SSBP4: variants seen among roughly 807,000 people sequenced by gnomAD.
SSBP4 encodes single-stranded DNA-binding protein 4.
In SSBP4, 33 loss-of-function variants were observed where a neutral mutation model predicts 64.6. That is an observed-to-expected ratio of 0.51 (90% CI 0.39 to 0.68). The LOEUF is 0.68. Among genes scored for constraint, SSBP4 ranks in the 30% least tolerant of loss-of-function variants. The probability of loss-of-function intolerance (pLI) is 0.00; values close to 1 mark genes in which losing one functional copy is unlikely to be tolerated. For missense variants in SSBP4, 583 were observed against 566.8 expected (o/e 1.03, Z -0.29); for synonymous variants, 243 against 224.0 (o/e 1.08, Z -0.76).
Position 18,432,734 on chromosome 19 carries a change from C to G in SSBP4, c.785C>G (p.Thr262Ser), listed in dbSNP as rs779866676. ...TCCTCCTCATCCCCCGGCAGCTACA[C>G]CGTAAGTCTGAGCAAAGCTGGGTCA... ...PYSSSSPGSY[T>S]GPPGGGGPPG... Residue 262 changes from threonine to serine, a missense_variant and splice_region_variant, in exon 12 of 18, where the codon ACC becomes AGC. Transcript: ENST00000270061. 1 of 1,601,242 alleles carries G rather than the reference C, an allele frequency of 6.2e-7. No individual in the cohort carries two copies. The highest frequency in any genetic ancestry group is 8.5e-7 in the Non-Finnish European group (1 of 1,170,996).
At chr19:18,419,179 T>A, upstream of SSBP4, 1 of 985,492 alleles carries the variant, frequency 1.0e-6, no homozygotes, top group Non-Finnish European at 1.2e-6. Context: ...CACGCGCGCG[T>A]GTGCAGCCGC....
rs966443232 is a variant in SSBP4, at chr19:18,427,028, C to G, written c.60-323C>G. 6.6e-6 allele frequency among the ~76,000 whole-genome samples: 1 copy of G among 152,030 alleles called. No individual in the cohort carries two copies. Among genetic ancestry groups the G allele is most frequent in the Admixed American group, 6.5e-5 (1 of 15,268 alleles). On this transcript the variant is annotated intron_variant, in intron 1 of 17. Transcript: ENST00000270061. The surrounding 1 kb of genome is among the most constrained non-coding windows in gnomAD (Gnocchi z 4.4). Reference sequence around the variant, plus strand: ...CAGGGTGCCCAGTGGTCGTCCCCACCCTGCACACACACAGGAATGACACTC... The same window carrying G: ...CAGGGTGCCCAGTGGTCGTCCCCACGCTGCACACACACAGGAATGACACTC...
chr19:18,418,989 C>CT, upstream of SSBP4: 1 of 985,582 alleles, frequency 1.0e-6, no homozygotes, highest in South Asian at 4.7e-5. The surrounding 1 kb of genome is among the most constrained non-coding windows in gnomAD (Gnocchi z 6.7). Flanking sequence ...GGTAGCTCTG[C>CT]GGGGTGAGAC....
chr19:18,433,840 C>T (rs1353887777), intron 17 of SSBP4, 23 bp downstream of exon 17: 34 of 1,369,420 alleles, frequency 2.5e-5, no homozygotes, highest in Non-Finnish European at 2.9e-5. Flanking sequence ...GTCGACTCCC[C>T]CCCCGCGGCG....
At position 18,427,201 on chromosome 19, in the gene SSBP4, CAGGACATAGATGGATAACTATGA is replaced by C. The variant is rs899352688; in HGVS notation, c.60-149_60-127del. ...GTCACGGATGCCTGGGAGGGGCCTG[CAGGACATAGATGGATAACTATGA>C]GCTGTCCCTGCTGAGCAGCTGGTGG... On this transcript the variant is annotated intron_variant, in intron 1 of 17. Transcript: ENST00000270061. This position sits in a 1 kb window ranked among gnomAD's most constrained non-coding sequence, Gnocchi z 4.4. 3.5e-4 allele frequency: 269 copies of C among 763,506 alleles called. 1 individual carries two copies. The highest frequency in any genetic ancestry group is 1.6e-3 in the South Asian group (86 of 55,320). The allele number at this position is 763,506 out of a possible 1,614,324, so 47.3% of individuals were successfully genotyped here. A position where few individuals can be genotyped will look rare whatever the true frequency, so the allele number is the denominator to read the frequency against.
rs551854137 is a variant in SSBP4, at chr19:18,434,428, C to T, written c.*182C>T. 50 of 1,183,344 alleles carry T rather than the reference C, an allele frequency of 4.2e-5. No individual in the cohort carries two copies. The highest frequency in any genetic ancestry group is 4.2e-5 in the Non-Finnish European group (37 of 891,396). 73.3% of individuals were successfully genotyped at this position (1,183,344 alleles called of 1,614,324 possible). ...ATTAAAAACGCAAGGACCTCAGAGACGTTCTTTTCTGTATGGACCCTTCCT... is the reference window on the plus strand; with the variant it reads ...ATTAAAAACGCAAGGACCTCAGAGATGTTCTTTTCTGTATGGACCCTTCCT... On this transcript the variant is annotated 3_prime_UTR_variant, in exon 18 of 18. Coordinates refer to ENST00000270061, the MANE Select transcript of SSBP4 (RefSeq NM_032627.5).
At position 18,434,486 on chromosome 19, in the gene SSBP4, C is replaced by T. The variant is rs979540645; in HGVS notation, c.*240C>T. 3.6e-6 allele frequency: 3 copies of T among 836,830 alleles called. No homozygotes were observed. The highest frequency in any genetic ancestry group is 2.6e-5 in the South Asian group (1 of 38,006). The allele number at this position is 836,830 out of a possible 1,614,324, so 51.8% of individuals were successfully genotyped here. On this transcript the variant is annotated 3_prime_UTR_variant, in exon 18 of 18. Coordinates refer to ENST00000270061, the MANE Select transcript of SSBP4 (RefSeq NM_032627.5). Reference sequence around the variant, plus strand: ...GTATTTTGTCCCAGAGAGAAAGGCTCTTTGGGGGGCCCCTCTCCCCAGGAC... The same window carrying T: ...GTATTTTGTCCCAGAGAGAAAGGCTTTTTGGGGGGCCCCTCTCCCCAGGAC...
intron 1 of SSBP4, among the ~76,000 whole-genome samples, chr19:18,422,571 C>T (rs1972538289): frequency 6.6e-6 from 1 of 152,238 alleles, no homozygotes; most frequent in African/African-American, 2.4e-5. Flanking sequence ...GGAGAGGAAG[C>T]CACCTGATGA....
the SSBP4 span, among the ~76,000 whole-genome samples, chr19:18,403,933 C>G: frequency 6.6e-6 from 1 of 152,156 alleles, no homozygotes; most frequent in Admixed American, 6.5e-5. Flanking sequence ...TCTGCTGCCC[C>G]CTGATGTACC....
Position 18,426,560 on chromosome 19 carries a change from A to G in SSBP4, c.60-791A>G, listed in dbSNP as rs1229689255. 6.6e-6 allele frequency among the ~76,000 whole-genome samples: 1 copy of G among 152,130 alleles called. No homozygotes were observed. The highest frequency in any genetic ancestry group is 1.5e-5 in the Non-Finnish European group (1 of 68,004). On this transcript the variant is annotated intron_variant, in intron 1 of 17. Transcript: ENST00000270061. This position sits in a 1 kb window ranked among gnomAD's most constrained non-coding sequence, Gnocchi z 4.5. Reference sequence around the variant, plus strand: ...GCAGCTGGACTGGAGCGGGGTGGACAGTCCGGCCTCCCCCTGTGACCTGCA... The same window carrying G: ...GCAGCTGGACTGGAGCGGGGTGGACGGTCCGGCCTCCCCCTGTGACCTGCA...
At chr19:18,420,664 C>T (rs1972388490) in intron 1 of SSBP4, among the ~76,000 whole-genome samples, 1 of 152,060 alleles carries the variant, frequency 6.6e-6, no homozygotes, top group South Asian at 2.1e-4. Flanking sequence ...TCGAGACAAT[C>T]CTGGCCAACA....
the SSBP4 span, among the ~76,000 whole-genome samples, chr19:18,407,838 G>C: frequency 6.6e-6 from 1 of 152,028 alleles, no homozygotes. Flanking sequence ...CACCTCCTCG[G>C]CTCAAGTGAT....
At position 18,423,226 on chromosome 19, in the gene SSBP4, G is replaced by A. The variant is rs141429581; in HGVS notation, c.59+3519G>A. ...CATGGTTGGTGTTGCCTGGCAGCTC[G>A]TGGGTTTCTCCCGGGCTTGATTTTG... is the stretch of plus-strand genomic sequence containing the variant. On this transcript the variant is annotated intron_variant, in intron 1 of 17. Coordinates refer to ENST00000270061, the MANE Select transcript of SSBP4 (RefSeq NM_032627.5). This position sits in a 1 kb window ranked among gnomAD's most constrained non-coding sequence, Gnocchi z 4.0. Among the ~76,000 whole-genome samples the A allele has an allele frequency of 1.3e-3, 203 of 152,316 alleles. 3 individuals are homozygous for A. The East Asian group carries it at 0.031, about 23-fold the overall frequency.
intron 4 of SSBP4, among the ~76,000 whole-genome samples, chr19:18,430,359 C>G (rs767655688): frequency 7.9e-5 from 12 of 152,192 alleles, no homozygotes; most frequent in Non-Finnish European, 1.3e-4. Context: ...CCTGTCTTGT[C>G]GCCTTCTCCA....
In SSBP4 at chr19:18,427,043, G is replaced by A. The variant is rs925138181; in HGVS notation, c.60-308G>A. On this transcript the variant is annotated intron_variant, in intron 1 of 17. Coordinates refer to ENST00000270061, the MANE Select transcript of SSBP4 (RefSeq NM_032627.5). This position sits in a 1 kb window ranked among gnomAD's most constrained non-coding sequence, Gnocchi z 4.4. ...TCGTCCCCACCCTGCACACACACAG[G>A]AATGACACTCCTCTATGGAGGAGAC... Among the ~76,000 whole-genome samples, 1 of 152,110 alleles carries A rather than the reference G, an allele frequency of 6.6e-6. No individual in the cohort carries two copies. Among genetic ancestry groups the A allele is most frequent in the Non-Finnish European group, 1.5e-5 (1 of 67,992 alleles).
chr19:18,427,439 C>A lies in SSBP4; in HGVS notation c.132+16C>A. ...CCTGTCTGAGGTAAGCCACCACCTC[C>A]AGGCTGGCCCTCCCTCCTCACCCAC... On this transcript the variant is annotated intron_variant, in intron 2 of 17. Transcript: ENST00000270061. This position sits in a 1 kb window ranked among gnomAD's most constrained non-coding sequence, Gnocchi z 4.4. 6.2e-7 allele frequency: 1 copy of A among 1,607,626 alleles called. No individual in the cohort carries two copies. The highest frequency in any genetic ancestry group is 1.7e-5 in the Admixed American group (1 of 59,924).
chr19:18,420,813 C>A lies in SSBP4; in HGVS notation c.59+1106C>A, dbSNP rs186363957. Among the ~76,000 whole-genome samples the A allele has an allele frequency of 2.6e-4, 39 of 151,392 alleles. No individual in the cohort carries two copies. In the East Asian group the frequency reaches 7.0e-3, roughly 27 times the overall value. On this transcript the variant is annotated intron_variant, in intron 1 of 17. Transcript: ENST00000270061. ...GTTGCAGTGAGCCGAGATCACGCCA[C>A]TGCACTCCAGCCTGGCGACAGAGCC...
the SSBP4 span, among the ~76,000 whole-genome samples, chr19:18,413,044 T>A: frequency 1.0e-3 from 153 of 151,820 alleles, no homozygotes; most frequent in African/African-American, 3.6e-3. Context: ...CACATGTGGA[T>A]GAGTGGCGCT....
chr19:18,433,662 G>A, intron 16 of SSBP4, 48 bp from the exon 17 acceptor site: 1 of 1,343,294 alleles, frequency 7.4e-7, no homozygotes, highest in Non-Finnish European at 9.6e-7. Flanking sequence ...GGGGGTGGCG[G>A]GGAGGGGGCG....
Sources: allele counts gnomAD v4.1 joint callset (sites outside exome capture counted in the v4.1 genomes callset), GRCh38; gene constraint gnomAD v4.1.1; non-coding constraint Gnocchi (gnomAD v3.1); transcripts MANE v1.5; gene names NCBI Gene and HGNC (gene_info 2026-07-23, HGNC 2026-07-21).